ERP44: variants seen among roughly 807,000 people sequenced by gnomAD.
ERP44 encodes endoplasmic reticulum protein 44, also known as endoplasmic reticulum resident protein 44.
ERP44 carries 25 observed loss-of-function variants against 53.4 expected under a neutral mutation model. The ratio of observed to expected loss-of-function variants is 0.47; its 90% CI spans 0.34 to 0.65. The LOEUF is 0.65. Ranked by LOEUF, ERP44 falls within the 30% of genes least tolerant of loss-of-function variation. ERP44 has a pLI of 0.01. For missense variants in ERP44, 338 were observed against 493.2 expected (o/e 0.69, Z 2.98); for synonymous variants, 145 against 161.2 (o/e 0.90, Z 0.76).
At chr9:100,062,138 A>G (rs942374138) in intron 1 of ERP44, among the ~76,000 whole-genome samples, 3 of 152,204 alleles carry the variant, frequency 2.0e-5, no homozygotes, top group African/African-American at 7.2e-5. Context: ...GTTTATTACT[A>G]TTAGATCATA....
At chr9:100,089,722 A>G (rs752183351) in intron 1 of ERP44, among the ~76,000 whole-genome samples, 3 of 152,146 alleles carry the variant, frequency 2.0e-5, no homozygotes, top group Non-Finnish European at 4.4e-5. Flanking sequence ...TTAAGAATAA[A>G]TCTTCTATAA....
intron 10 of ERP44, among the ~76,000 whole-genome samples, chr9:99,999,907 C>T (rs562358121): frequency 6.6e-6 from 1 of 152,192 alleles, no homozygotes; most frequent in Non-Finnish European, 1.5e-5. Context: ...TATCCAGTTT[C>T]CCCCCGCTTT....
chr9:100,025,172 C>T (rs1278776158), intron 4 of ERP44, among the ~76,000 whole-genome samples: 1 of 152,182 alleles, frequency 6.6e-6, no homozygotes, highest in Non-Finnish European at 1.5e-5. Flanking sequence ...CATTCCCACA[C>T]ATCTTCACCA....
intron 1 of ERP44, among the ~76,000 whole-genome samples, chr9:100,097,911 T>C (rs936128450): frequency 1.3e-5 from 2 of 152,228 alleles, no homozygotes; most frequent in South Asian, 4.1e-4. Flanking sequence ...AAAAATCTAC[T>C]ACAATTAAGG....
intron 1 of ERP44, among the ~76,000 whole-genome samples, chr9:100,096,446 G>C (rs1409899197): frequency 6.6e-6 from 1 of 151,800 alleles, no homozygotes; most frequent in African/African-American, 2.4e-5. Context: ...AGGAAAAAAA[G>C]TTATCACATT....
At chr9:100,056,138 T>G (rs939136640) in intron 3 of ERP44, among the ~76,000 whole-genome samples, 1 of 152,260 alleles carries the variant, frequency 6.6e-6, no homozygotes, top group African/African-American at 2.4e-5. Flanking sequence ...AAAGTCGTTC[T>G]AGTTTTTCTT....
intron 1 of ERP44, among the ~76,000 whole-genome samples, chr9:100,069,642 T>C (rs1160188142): frequency 1.3e-5 from 2 of 149,256 alleles, no homozygotes; most frequent in Admixed American, 1.3e-4. Flanking sequence ...CCAGTTCAAA[T>C]AAAAAAAAAA....
At chr9:100,007,022 C>G (rs1830430601) in intron 9 of ERP44, among the ~76,000 whole-genome samples, 1 of 152,226 alleles carries the variant, frequency 6.6e-6, no homozygotes, top group Non-Finnish European at 1.5e-5. Context: ...TCCAGTCATA[C>G]TGGTTGATTT....
At chr9:100,012,892 A>G (rs1191764778) in intron 8 of ERP44, among the ~76,000 whole-genome samples, 1 of 152,200 alleles carries the variant, frequency 6.6e-6, no homozygotes, top group African/African-American at 2.4e-5. Context: ...TAAGGACTTA[A>G]GGATCCAAGA....
intron 4 of ERP44, 65 bp downstream of exon 4, chr9:100,052,352 A>T (rs1749809107): frequency 1.4e-6 from 1 of 707,440 alleles, no homozygotes; most frequent in Non-Finnish European, 2.2e-6. Flanking sequence ...AAAAGAAAAA[A>T]TGTGTATGTG....
intron 4 of ERP44, among the ~76,000 whole-genome samples, chr9:100,033,071 TTGGAGCATATTTG>T (rs1825809302): frequency 1.3e-5 from 2 of 152,356 alleles, no homozygotes; most frequent in Admixed American, 6.5e-5. Context: ...TGAACAAAAT[TTGGAGCATATTTG>T]TTTCTACCTG....
rs1587952634 is a variant in ERP44 at position 99,985,022 on chromosome 9, T to C, written c.1064A>G (p.Lys355Arg). Residue 355 changes from lysine (K) to arginine (R), a missense_variant, in exon 11 of 12, where the codon AAA (lysine) becomes AGA (arginine). Transcript: ENST00000262455. ...TCCATGATGGAATTCTCTGTGCAGTTTTCCAGAATGTAAGTCAAATACGAA... is the reference window on the plus strand; with the variant it reads ...TCCATGATGGAATTCTCTGTGCAGTCTTCCAGAATGTAAGTCAAATACGAA... Reference protein sequence around the residue: ...KQFVFDLHSGKLHREFHHGPD... With the variant: ...KQFVFDLHSGRLHREFHHGPD... The C allele has an allele frequency of 6.2e-7, 1 of 1,613,796 alleles. No homozygotes were observed. The highest frequency in any genetic ancestry group is 8.5e-7 in the Non-Finnish European group (1 of 1,179,746).
intron 4 of ERP44, among the ~76,000 whole-genome samples, chr9:100,027,762 C>T (rs948443979): frequency 1.2e-4 from 19 of 152,172 alleles, no homozygotes; most frequent in South Asian, 2.1e-4. Context: ...CAACGTCTCT[C>T]CCTGCAATGG....
At chr9:100,045,496 T>A (rs1192343469) in intron 4 of ERP44, among the ~76,000 whole-genome samples, 1 of 152,154 alleles carries the variant, frequency 6.6e-6, no homozygotes, top group Non-Finnish European at 1.5e-5. Flanking sequence ...TAACTAGAGG[T>A]GTAATGCGTC....
At chr9:100,032,691 C>T (rs1302224206) in intron 4 of ERP44, among the ~76,000 whole-genome samples, 1 of 152,160 alleles carries the variant, frequency 6.6e-6, no homozygotes, top group Non-Finnish European at 1.5e-5. Context: ...TCAATTGTGG[C>T]TTTAATAGTG....
At chr9:100,005,886 A>C (rs1033654587) in intron 10 of ERP44, among the ~76,000 whole-genome samples, 6 of 152,364 alleles carry the variant, frequency 3.9e-5, no homozygotes, top group South Asian at 2.1e-4. Flanking sequence ...AAACATCTAC[A>C]TTTTTAACCA....
At position 100,094,447 on chromosome 9, in the gene ERP44, C is replaced by T. The variant is rs534704287; in HGVS notation, c.57+4337G>A. Among the ~76,000 whole-genome samples the T allele has an allele frequency of 1.1e-4, 17 of 152,240 alleles. No individual in the cohort carries two copies. The East Asian group carries it at 3.3e-3, about 29-fold the overall frequency. ...CCAAGGCGGGCAGATCACCTCAGGT[C>T]AGGAGTTTGAGACCAGCCTGGCCAA... On this transcript the variant is annotated intron_variant, in intron 1 of 11. Coordinates refer to ENST00000262455, the MANE Select transcript of ERP44 (RefSeq NM_015051.3).
chr9:100,026,133 G>C (rs1409358824), intron 4 of ERP44, among the ~76,000 whole-genome samples: 1 of 152,244 alleles, frequency 6.6e-6, no homozygotes, highest in African/African-American at 2.4e-5. Context: ...ATTTAGGGCT[G>C]AGAATTATAC....
intron 2 of ERP44, among the ~76,000 whole-genome samples, chr9:100,058,399 T>C (rs1297033783): frequency 6.6e-6 from 1 of 152,162 alleles, no homozygotes; most frequent in Non-Finnish European, 1.5e-5. Flanking sequence ...CTTAAATGAA[T>C]TTAAAGCAAA....
Sources: gnomAD v4.1 joint callset for allele counts (sites outside exome capture counted in the v4.1 genomes callset) on GRCh38, gnomAD v4.1.1 for gene constraint, MANE v1.5 for transcripts, NCBI Gene and HGNC (gene_info 2026-07-23, HGNC 2026-07-21) for gene names.